Variants in GRM3 observed in about 807,000 individuals in gnomAD.
GRM3 encodes glutamate metabotropic receptor 3.
A neutral mutation model predicts 70.5 loss-of-function variants in GRM3; 26 were observed. The observed-to-expected ratio is 0.37, with a 90% CI of 0.27 to 0.51. The LOEUF is 0.51. Among genes scored for constraint, GRM3 ranks in the 20% least tolerant of loss-of-function variants. GRM3 has a pLI of 0.93. For missense variants in GRM3, 859 were observed against 1,123.8 expected (o/e 0.76, Z 3.37); for synonymous variants, 443 against 434.9 (o/e 1.02, Z -0.23).
chr7:86,702,516 G>A (rs927139216), intron 1 of GRM3, among the ~76,000 whole-genome samples: 4 of 151,938 alleles, frequency 2.6e-5, no homozygotes, highest in African/African-American at 7.2e-5. Context: ...AGAGTATATG[G>A]CTTATATTCC....
rs140007916 is a variant in GRM3, at chr7:86,680,187, C to T, written c.-141+35315C>T. Among the ~76,000 whole-genome samples the T allele has an allele frequency of 1.2e-3, 179 of 152,068 alleles. 2 individuals are homozygous for T. Among genetic ancestry groups the T allele is most frequent in the African/African-American group, 4.0e-3 (166 of 41,496 alleles). ...GCAATCATGATAAAGCGCCTAGGAA[C>T]CACAAAGCATGAGGATTACTGAAGG... On this transcript the variant is annotated intron_variant, in intron 1 of 5. Coordinates refer to ENST00000361669, the MANE Select transcript of GRM3 (RefSeq NM_000840.3).
intron 1 of GRM3, among the ~76,000 whole-genome samples, chr7:86,712,020 C>G (rs181141776): frequency 1.4e-4 from 21 of 152,202 alleles, no homozygotes; most frequent in Admixed American, 1.3e-3. Context: ...CCTGTTTCTA[C>G]TTTTGTATGC....
At chr7:86,771,560 T>G (rs1796741907) in intron 2 of GRM3, among the ~76,000 whole-genome samples, 1 of 151,934 alleles carries the variant, frequency 6.6e-6, no homozygotes, top group South Asian at 2.1e-4. Flanking sequence ...AGAACATTAT[T>G]CTATAGAACA....
chr7:86,782,585 C>T (rs1314153767), intron 2 of GRM3, among the ~76,000 whole-genome samples: 1 of 152,184 alleles, frequency 6.6e-6, no homozygotes, highest in Non-Finnish European at 1.5e-5. Context: ...GATGCATTTT[C>T]ACATTCTGCG....
rs567157970 is a variant in GRM3 at position 86,691,435 on chromosome 7, G to A, written c.-141+46563G>A. On this transcript the variant is annotated intron_variant, in intron 1 of 5. Transcript: ENST00000361669. ...TAAATAAAGAAGACATGTCAAAAAT[G>A]TTTAACTCATCAATGAGAGAACCAC... is the stretch of plus-strand genomic sequence containing the variant. 3.3e-5 allele frequency among the ~76,000 whole-genome samples: 5 copies of A among 152,208 alleles called. No homozygotes were observed. In the East Asian group the frequency reaches 9.6e-4, roughly 29 times the overall value.
chr7:86,833,675 A>AT (rs1056302263), intron 3 of GRM3, among the ~76,000 whole-genome samples: 5 of 151,918 alleles, frequency 3.3e-5, no homozygotes, highest in Non-Finnish European at 1.5e-5. Context: ...CAAGGACAGG[A>AT]TTTTTTCTCA....
chr7:86,674,693 G>A (rs1309723906), intron 1 of GRM3, among the ~76,000 whole-genome samples: 2 of 152,080 alleles, frequency 1.3e-5, no homozygotes, highest in Non-Finnish European at 2.9e-5. Context: ...ACAAGACTCA[G>A]TAATCTGATC....
At chr7:86,764,100 C>G (rs755575572) in intron 1 of GRM3, among the ~76,000 whole-genome samples, 29 of 152,034 alleles carry the variant, frequency 1.9e-4, no homozygotes, top group Non-Finnish European at 4.1e-4. Flanking sequence ...TTCATAGACA[C>G]GCAGACTTTG....
At chr7:86,688,756 T>C (rs1191269876) in intron 1 of GRM3, among the ~76,000 whole-genome samples, 1 of 148,498 alleles carries the variant, frequency 6.7e-6, no homozygotes, top group Admixed American at 6.8e-5. Context: ...CGTATATATA[T>C]ATCTCTCACA....
intron 1 of GRM3, among the ~76,000 whole-genome samples, chr7:86,699,488 A>G (rs1794902075): frequency 6.6e-6 from 1 of 152,054 alleles, no homozygotes; most frequent in South Asian, 2.1e-4. Flanking sequence ...TGATAAGAGC[A>G]ATTAAACTTA....
At chr7:86,761,771 C>T (rs1451976170) in intron 1 of GRM3, among the ~76,000 whole-genome samples, 4 of 152,176 alleles carry the variant, frequency 2.6e-5, no homozygotes, top group African/African-American at 9.6e-5. Flanking sequence ...GTAACAGGCT[C>T]TATTAATCTG....
chr7:86,839,544 C>T lies in GRM3; in HGVS notation c.2030C>T (p.Ala677Val). The T allele has an allele frequency of 6.2e-7, 1 of 1,608,244 alleles. No individual in the cohort carries two copies. The highest frequency in any genetic ancestry group is 8.5e-7 in the Non-Finnish European group (1 of 1,176,684). The change falls in exon 4 of 6, where the codon GCT (alanine) becomes GTT (valine). Residue 677 changes from alanine (A) to valine (V), a missense_variant. Physicochemically the swap from Ala to Val is moderately conservative, Grantham distance 64 (BLOSUM62 0). Transcript: ENST00000361669. This position sits in a 1 kb window ranked among gnomAD's most constrained non-coding sequence, Gnocchi z 4.5. ...ATCTTCGATGGGGTCAAGAATGGCG[C>T]TCAGAGGCCAAAATTCATCAGCCCC... Reference protein sequence around the residue: ...ARIFDGVKNGAQRPKFISPSS... With the variant: ...ARIFDGVKNGVQRPKFISPSS...
intron 3 of GRM3, 111 bp downstream of exon 3, chr7:86,787,227 G>T (rs1016280808): frequency 1.1e-6 from 1 of 899,066 alleles, no homozygotes; most frequent in Admixed American, 2.3e-5. Context: ...CCATAAAAAG[G>T]GTTCAAACTG....
intron 1 of GRM3, among the ~76,000 whole-genome samples, chr7:86,739,628 C>T (rs530526420): frequency 1.4e-4 from 21 of 152,246 alleles, no homozygotes; most frequent in African/African-American, 4.6e-4. Flanking sequence ...AAAGACTGCC[C>T]CAATCTCCTT....
chr7:86,733,740 G>A (rs1210623742), intron 1 of GRM3, among the ~76,000 whole-genome samples: 4 of 152,154 alleles, frequency 2.6e-5, no homozygotes, highest in Non-Finnish European at 5.9e-5. Context: ...ATCATGGACA[G>A]TTTCAACATG....
At chr7:86,863,772 T>C (rs571386964) in intron 5 of GRM3, among the ~76,000 whole-genome samples, 1 of 152,254 alleles carries the variant, frequency 6.6e-6, no homozygotes, top group South Asian at 2.1e-4. Flanking sequence ...GAGCTTTTGA[T>C]TTTGCACATT....
At chr7:86,650,091 C>T (rs1166413612) in intron 1 of GRM3, among the ~76,000 whole-genome samples, 1 of 152,116 alleles carries the variant, frequency 6.6e-6, no homozygotes, top group Admixed American at 6.6e-5. Context: ...GGTGACAAAA[C>T]TAATAATAAG....
At chr7:86,708,547 C>T (rs114796934) in intron 1 of GRM3, among the ~76,000 whole-genome samples, 1,796 of 152,184 alleles carry the variant, frequency 0.012, 30 homozygotes, top group African/African-American at 0.041. Context: ...GAAAAGAAGG[C>T]GGAGAGCTTT....
In GRM3 at chr7:86,834,080, C is replaced by T. The variant is rs189532258; in HGVS notation, c.1325-4759C>T. Among the ~76,000 whole-genome samples the T allele has an allele frequency of 5.6e-4, 86 of 152,252 alleles. No homozygotes were observed. In the East Asian group the frequency reaches 0.014, roughly 24 times the overall value. ...TTTATTTACTTTAAAGCTACTCTGC[C>T]TGACCTTGCTTAATTATCTTTATAC... On this transcript the variant is annotated intron_variant, in intron 3 of 5. Transcript: ENST00000361669.
Sources: gnomAD v4.1 joint callset for allele counts (sites outside exome capture counted in the v4.1 genomes callset) on GRCh38, gnomAD v4.1.1 for gene constraint, Gnocchi (gnomAD v3.1) non-coding constraint, MANE v1.5 for transcripts, NCBI Gene and HGNC (gene_info 2026-07-23, HGNC 2026-07-21) for gene names.